Variants in NFE2L2 observed in about 807,000 individuals in gnomAD.
NFE2L2 encodes nuclear factor erythroid 2-related factor 2.
Under a neutral mutation model 49.6 loss-of-function variants are expected in NFE2L2, and 20 were observed. The observed-to-expected ratio is 0.40, with a 90% CI of 0.28 to 0.59. The LOEUF (loss-of-function observed/expected upper bound fraction) is 0.59, where lower values mean the gene tolerates loss of function less well. Ranked by LOEUF, NFE2L2 falls within the 20% of genes least tolerant of loss-of-function variation. The pLI, the probability that NFE2L2 is intolerant of heterozygous loss-of-function variation, is 0.40. For synonymous variants in NFE2L2, 244 were observed against 256.5 expected (o/e 0.95, Z 0.47); for missense variants, 578 against 714.2 (o/e 0.81, Z 2.17).
chr2:177,256,731 T>C (rs1690540018), intron 1 of NFE2L2, among the ~76,000 whole-genome samples: 1 of 152,004 alleles, frequency 6.6e-6, no homozygotes, highest in African/African-American at 2.4e-5. Flanking sequence ...TCCAGAAAGG[T>C]GACTAAATAC....
chr2:177,239,949 TAAA>T (rs57941264), intron 1 of NFE2L2, among the ~76,000 whole-genome samples: 47 of 135,384 alleles, frequency 3.5e-4, no homozygotes, highest in African/African-American at 3.6e-4. Flanking sequence ...AGCTTTATGT[TAAA>T]AAAAAAAAAA....
intron 1 of NFE2L2, among the ~76,000 whole-genome samples, chr2:177,241,635 A>C (rs1173770595): frequency 1.3e-5 from 2 of 152,194 alleles, no homozygotes; most frequent in African/African-American, 4.8e-5. Context: ...AGGTGTGAGA[A>C]TCACTTGAGC....
intron 1 of NFE2L2, among the ~76,000 whole-genome samples, chr2:177,237,050 G>A (rs1324050269): frequency 6.6e-6 from 1 of 152,032 alleles, no homozygotes; most frequent in African/African-American, 2.4e-5. Flanking sequence ...TGTAGAGATG[G>A]CGTCTTGCCA....
chr2:177,262,337 A>G (rs1452835669), intron 1 of NFE2L2, among the ~76,000 whole-genome samples: 2 of 152,264 alleles, frequency 1.3e-5, no homozygotes, highest in Non-Finnish European at 2.9e-5. Context: ...CCTTGAAAAG[A>G]GTAATGGATG....
intron 1 of NFE2L2, among the ~76,000 whole-genome samples, chr2:177,252,000 C>CAAAAA (rs3082509): frequency 9.6e-6 from 1 of 104,478 alleles, no homozygotes; most frequent in Non-Finnish European, 1.8e-5. Flanking sequence ...GACTCTGTCT[C>CAAAAA]AAAAAAAAAA....
chr2:177,233,952 T>G, intron 2 of NFE2L2, 53 bp downstream of exon 2: 1 of 1,598,934 alleles, frequency 6.3e-7, no homozygotes, highest in East Asian at 2.2e-5. Context: ...AATTCCTTGC[T>G]CAGTGTTTCC....
rs751357629 is a variant in NFE2L2, at chr2:177,230,917, G to C, written c.1686C>G (p.Leu562=). 1.2e-6 allele frequency: 2 copies of C among 1,613,890 alleles called. No individual in the cohort carries two copies. The highest frequency in any genetic ancestry group is 1.7e-6 in the Non-Finnish European group (2 of 1,180,006). The part of the protein sequence containing the change: ...LLKKQLSTLY[L]EVFSMLRDED... ...CATCACGTAGCATGCTGAAAACTTC[G>C]AGATATAAGGTGCTGAGTTGTTTTT... Residue 562 remains leucine, a synonymous_variant, in exon 5 of 5, where the codon CTC becomes CTG. Transcript: ENST00000397062.
chr2:177,251,357 G>T (rs957546557), intron 1 of NFE2L2, among the ~76,000 whole-genome samples: 3 of 152,148 alleles, frequency 2.0e-5, no homozygotes, highest in Non-Finnish European at 2.9e-5. Context: ...AACTCTCTCT[G>T]TCCCTAGACC....
At chr2:177,246,240 C>G (rs1690124603) in intron 1 of NFE2L2, among the ~76,000 whole-genome samples, 1 of 152,198 alleles carries the variant, frequency 6.6e-6, no homozygotes, top group Non-Finnish European at 1.5e-5. Flanking sequence ...ATCAGGACAA[C>G]TCCCTTGCAT....
intron 1 of NFE2L2, among the ~76,000 whole-genome samples, chr2:177,254,789 G>A (rs931568991): frequency 2.6e-5 from 4 of 152,320 alleles, no homozygotes; most frequent in African/African-American, 9.6e-5. Flanking sequence ...GCAGAGAATA[G>A]GGATTATGGA....
intron 2 of NFE2L2, 47 bp downstream of exon 2, chr2:177,233,958 T>C (rs2105457850): frequency 6.2e-7 from 1 of 1,604,626 alleles, no homozygotes; most frequent in Non-Finnish European, 8.5e-7. Flanking sequence ...TTGCTCAGTG[T>C]TTCCTTAAAC....
chr2:177,255,763 G>A (rs1166900496), intron 1 of NFE2L2, among the ~76,000 whole-genome samples: 1 of 151,914 alleles, frequency 6.6e-6, no homozygotes, highest in Non-Finnish European at 1.5e-5. Context: ...GTCTCAATAT[G>A]TTGCCCAGGC....
intron 4 of NFE2L2, 171 bp from the exon 5 acceptor site, chr2:177,232,179 T>C (rs933548566): frequency 5.4e-5 from 49 of 913,732 alleles, no homozygotes; most frequent in Non-Finnish European, 7.5e-5. Flanking sequence ...CTAAGCGTTA[T>C]GTATTATTTT....
chr2:177,261,504 G>A (rs1486125949), intron 1 of NFE2L2, among the ~76,000 whole-genome samples: 1 of 152,140 alleles, frequency 6.6e-6, no homozygotes, highest in Non-Finnish European at 1.5e-5. Flanking sequence ...GTGATTAGAA[G>A]CCCCCAGGAG....
At chr2:177,263,176 C>A (rs1690801148) in intron 1 of NFE2L2, among the ~76,000 whole-genome samples, 1 of 152,312 alleles carries the variant, frequency 6.6e-6, no homozygotes, top group East Asian at 1.9e-4. Context: ...GCAGAAACTT[C>A]TTTTCACTTT....
chr2:177,231,154 T>C lies in NFE2L2; in HGVS notation c.1449A>G (p.Glu483=), dbSNP rs374836962. The C allele has an allele frequency of 9.3e-6, 15 of 1,614,042 alleles. No homozygotes were observed. In the African/African-American group the frequency reaches 1.9e-4, roughly 20 times the overall value. ...CATTGAACTGCTCTTTGGACATCATTTCGTTGAAGTCAACAACAGGGAGGT... is the reference window on the plus strand; with the variant it reads ...CATTGAACTGCTCTTTGGACATCATCTCGTTGAAGTCAACAACAGGGAGGT... ...IINLPVVDFN[E]MMSKEQFNEA... Residue 483 remains glutamate, a synonymous_variant, in exon 5 of 5, where the codon GAA becomes GAG. Transcript: ENST00000397062.
At chr2:177,243,533 A>T (rs548005795) in intron 1 of NFE2L2, among the ~76,000 whole-genome samples, 6 of 151,836 alleles carry the variant, frequency 4.0e-5, no homozygotes, top group South Asian at 4.2e-4. Context: ...TTTTTTTTTT[A>T]AAAGAGATTA....
At position 177,242,030 on chromosome 2, in the gene NFE2L2, A is replaced by C. The variant is rs75661630; in HGVS notation, c.46-7759T>G. Among the ~76,000 whole-genome samples, 1,020 of 152,332 alleles carry C rather than the reference A, an allele frequency of 6.7e-3. 4 individuals carry two copies. The highest frequency in any genetic ancestry group is 0.023 in the African/African-American group (955 of 41,570). On this transcript the variant is annotated intron_variant, in intron 1 of 4. Transcript: ENST00000397062. ...CCTATTTACTTCTCTGGCTTCTCTC[A>C]CACTGCATTACAAGAATATAGCAAT...
At chr2:177,263,610 C>A in intron 1 of NFE2L2, 1 of 985,396 alleles carries the variant, frequency 1.0e-6, no homozygotes, top group Non-Finnish European at 1.2e-6. Context: ...GACGGCCAAC[C>A]GAGCGCTGTC....
Sources: allele counts gnomAD v4.1 joint callset (sites outside exome capture counted in the v4.1 genomes callset), GRCh38; gene constraint gnomAD v4.1.1; transcripts MANE v1.5; gene names NCBI Gene and HGNC (gene_info 2026-07-23, HGNC 2026-07-21).